The following UGT1A5 variants were observed in gnomAD, a reference collection of about 807,000 sequenced individuals.
UGT1A5 encodes the protein UDP-glucuronosyltransferase 1A5.
A neutral mutation model predicts 40.3 loss-of-function variants in UGT1A5; 29 were observed. That is an observed-to-expected ratio of 0.72 (90% confidence interval 0.54 to 0.98). The LOEUF (loss-of-function observed/expected upper bound fraction) is 0.98, where lower values mean the gene tolerates loss of function less well. UGT1A5 is among the 50% of genes least tolerant of loss of function. The probability of loss-of-function intolerance (pLI) is 0.00; values close to 1 mark genes in which losing one functional copy is unlikely to be tolerated. For synonymous variants in UGT1A5, 257 were observed against 262.5 expected, an observed-to-expected ratio of 0.98 and a Z score of 0.20; for missense variants, 678 against 677.9, an observed-to-expected ratio of 1.00 and a Z score of 0.00.
chr2:233,760,172 C>T (rs1421203838), intron 1 of UGT1A5: 1 of 1,533,858 alleles, frequency 6.5e-7, no homozygotes, highest in Admixed American at 1.9e-5. Flanking sequence ...TGTGGACTGA[C>T]AGCTTTTTAT....
At position 233,747,376 on chromosome 2, in the gene UGT1A5, G is replaced by A. The variant is rs1236630048; in HGVS notation, c.868-19658G>A. On this transcript the variant is annotated intron_variant, in intron 1 of 4. Transcript: ENST00000373414. The stretch of plus-strand genomic sequence containing the variant: ...GCCGTGCGGGAGCTCCATGCCAGAG[G>A]CCACCAGGCGGTGGTCCTCACCCCA... 3 of 1,604,666 alleles carry A rather than the reference G, an allele frequency of 1.9e-6. No individual in the cohort carries two copies. The African/African-American group carries it at 4.0e-5, about 22-fold the overall frequency.
At chr2:233,758,124 A>G (rs1696806452) in intron 1 of UGT1A5, among the ~76,000 whole-genome samples, 1 of 152,212 alleles carries the variant, frequency 6.6e-6, no homozygotes, top group South Asian at 2.1e-4. Flanking sequence ...CGTTCCATAA[A>G]TATTTGGCAG....
intron 1 of UGT1A5, chr2:233,747,663 A>G (rs1693743118): frequency 1.9e-6 from 3 of 1,600,614 alleles, no homozygotes; most frequent in Admixed American, 1.7e-5. Flanking sequence ...TGTGGTTTTA[A>G]TAGACCCAAT....
chr2:233,751,108 A>G, intron 1 of UGT1A5, among the ~76,000 whole-genome samples: 1 of 151,960 alleles, frequency 6.6e-6, no homozygotes. Context: ...TTGCCCTGCA[A>G]GCCACAGTGT....
chr2:233,744,294 C>T (rs1692766749), intron 1 of UGT1A5, among the ~76,000 whole-genome samples: 1 of 151,800 alleles, frequency 6.6e-6, no homozygotes, highest in Admixed American at 6.5e-5. Context: ...TCTTTTTCCT[C>T]GGCCACAGGA....
Position 233,769,629 on chromosome 2 carries a change from CAG to C in UGT1A5, c.1307+1191_1307+1192del, listed in dbSNP as rs1699910145. On this transcript the variant is annotated intron_variant, in intron 4 of 4. Transcript: ENST00000373414. The surrounding 1 kb of genome is among the most constrained non-coding windows in gnomAD (Gnocchi z 4.4). ...ACACACCAGCTTGAGCAAGGGACAA[CAG>C]GGGAGGACTGATGACTGACTTCCCA... 1.2e-6 allele frequency: 2 copies of C among 1,611,730 alleles called. No homozygotes were observed.
At chr2:233,743,869 G>C (rs763783144) in intron 1 of UGT1A5, 3 of 1,367,140 alleles carry the variant, frequency 2.2e-6, no homozygotes, top group Non-Finnish European at 2.9e-6. Context: ...TGATGGCCTC[G>C]GATGAGGCCT....
chr2:233,759,378 C>T (rs906522518), intron 1 of UGT1A5, among the ~76,000 whole-genome samples: 2 of 152,128 alleles, frequency 1.3e-5, no homozygotes, highest in African/African-American at 2.4e-5. Flanking sequence ...TACAGGTTTT[C>T]AGGATACTCA....
chr2:233,725,567 G>A (rs1036939921), intron 1 of UGT1A5, among the ~76,000 whole-genome samples: 32 of 151,948 alleles, frequency 2.1e-4, no homozygotes, highest in African/African-American at 5.6e-4. Flanking sequence ...ACATATATTC[G>A]ATATAAGATT....
At chr2:233,768,587 T>C (rs977103062) in intron 4 of UGT1A5, 148 bp downstream of exon 4, 429 of 888,300 alleles carry the variant, frequency 4.8e-4, no homozygotes, top group East Asian at 4.8e-3. Context: ...TTCTTCTTTT[T>C]TTTTTTTTTT....
chr2:233,729,312 C>G (rs747184472), intron 1 of UGT1A5: 38 of 1,614,236 alleles, frequency 2.4e-5, no homozygotes, highest in Admixed American at 5.0e-5. Flanking sequence ...TGGTCCTCAC[C>G]CCAGAGGTGA....
At position 233,755,271 on chromosome 2, in the gene UGT1A5, C is replaced by T. The variant is rs549656252; in HGVS notation, c.868-11763C>T. ...CAGCACCTCGTAGTAGTCCACTATGCTGGACTGCCAAAGAGCCTGCGGGGC... is the reference window on the plus strand; with the variant it reads ...CAGCACCTCGTAGTAGTCCACTATGTTGGACTGCCAAAGAGCCTGCGGGGC... On this transcript the variant is annotated intron_variant, in intron 1 of 4. Transcript: ENST00000373414. The T allele has an allele frequency of 4.5e-5, 34 of 755,818 alleles. No individual in the cohort carries two copies. In the African/African-American group the frequency reaches 6.1e-4, roughly 13 times the overall value. 46.8% of individuals were successfully genotyped at this position (755,818 alleles called of 1,614,324 possible). A position where few individuals can be genotyped will look rare whatever the true frequency, so the allele number is the denominator to read the frequency against.
At chr2:233,760,586 T>G in intron 1 of UGT1A5, 1 of 1,614,234 alleles carries the variant, frequency 6.2e-7, no homozygotes, top group Non-Finnish European at 8.5e-7. Flanking sequence ...CATAATGTTT[T>G]TGAGAATGAT....
intron 1 of UGT1A5, among the ~76,000 whole-genome samples, chr2:233,765,887 T>C (rs1279202147): frequency 1.3e-5 from 2 of 152,030 alleles, no homozygotes; most frequent in African/African-American, 2.4e-5. Flanking sequence ...ACTTTCTCAG[T>C]GCGCCACTGC....
At chr2:233,755,259 T>C in intron 1 of UGT1A5, 1 of 802,542 alleles carries the variant, frequency 1.2e-6, no homozygotes, top group African/African-American at 1.7e-5. Context: ...CACCTCGTAG[T>C]AGTCCACTAT....
rs905208353 is a variant in UGT1A5 at position 233,747,345 on chromosome 2, C to T, written c.868-19689C>T. On this transcript the variant is annotated intron_variant, in intron 1 of 4. Coordinates refer to ENST00000373414, the MANE Select transcript of UGT1A5 (RefSeq NM_019078.2). ...TTGATGGCAGCCACTGGCTCGCATG[C>T]GGGAGGCCGTGCGGGAGCTCCATGC... is the stretch of plus-strand genomic sequence containing the variant. 3.8e-5 allele frequency: 61 copies of T among 1,602,546 alleles called. No individual in the cohort carries two copies. In the East Asian group the frequency reaches 5.4e-4, roughly 14 times the overall value.
chr2:233,743,636 C>A (rs764566878), intron 1 of UGT1A5: 1 of 1,367,194 alleles, frequency 7.3e-7, no homozygotes. Context: ...GGCTGGGTCG[C>A]GGAAGCTGAA....
At chr2:233,743,497 A>C (rs1692318154) in intron 1 of UGT1A5, 1 of 1,367,094 alleles carries the variant, frequency 7.3e-7, no homozygotes, top group Admixed American at 1.9e-5. Context: ...GGCAGAGAAA[A>C]GGGGTGCAGA....
intron 1 of UGT1A5, among the ~76,000 whole-genome samples, chr2:233,736,737 CCTTT>C (rs2125803115): frequency 6.6e-6 from 1 of 152,240 alleles, no homozygotes; most frequent in Non-Finnish European, 1.5e-5. Flanking sequence ...TTATGCTGTT[CCTTT>C]CTGTTTGTTA....
Sources: allele counts gnomAD v4.1 joint callset (sites outside exome capture counted in the v4.1 genomes callset), GRCh38; gene constraint gnomAD v4.1.1; non-coding constraint Gnocchi (gnomAD v3.1); transcripts MANE v1.5; gene names NCBI Gene and HGNC (gene_info 2026-07-23, HGNC 2026-07-21).